LAMA2: variants seen among roughly 807,000 people sequenced by gnomAD.
The protein encoded by LAMA2 is laminin subunit alpha 2, also known as laminin subunit alpha-2.
Under a neutral mutation model 364.8 loss-of-function variants are expected in LAMA2, and 269 were observed. The observed-to-expected ratio is 0.74, with a 90% CI of 0.67 to 0.82. The LOEUF is 0.82. LAMA2 is among the 40% of genes least tolerant of loss of function. The pLI is 0.00. For synonymous variants in LAMA2, 1,379 were observed against 1,370.6 expected (o/e 1.01, Z -0.14); for missense variants, 3,807 against 3,873.2 (o/e 0.98, Z 0.45).
At chr6:129,474,787 T>C (rs4897328) in intron 52 of LAMA2, among the ~76,000 whole-genome samples, 63,212 of 152,010 alleles carry the variant, frequency 0.42, 13,310 homozygotes, top group African/African-American at 0.46. Flanking sequence ...TCTGAATCTG[T>C]TAAATGAATC....
At chr6:129,185,376 G>T (rs925111679) in intron 10 of LAMA2, among the ~76,000 whole-genome samples, 4 of 151,574 alleles carry the variant, frequency 2.6e-5, no homozygotes, top group African/African-American at 9.7e-5. Context: ...AAAAACAAAA[G>T]AACTTAGTAA....
At chr6:128,926,802 G>T (rs926443310) in intron 1 of LAMA2, among the ~76,000 whole-genome samples, 2 of 152,198 alleles carry the variant, frequency 1.3e-5, no homozygotes, top group Non-Finnish European at 2.9e-5. Flanking sequence ...TTAAAGCTCA[G>T]AGTTGAAAAG....
At chr6:128,980,811 A>G (rs1008419012) in intron 1 of LAMA2, among the ~76,000 whole-genome samples, 4 of 152,108 alleles carry the variant, frequency 2.6e-5, no homozygotes, top group African/African-American at 9.7e-5. Flanking sequence ...TACTATCAAC[A>G]ATAAAAAAAG....
chr6:128,926,534 T>G (rs1318019719), intron 1 of LAMA2, among the ~76,000 whole-genome samples: 5 of 152,236 alleles, frequency 3.3e-5, no homozygotes, highest in African/African-American at 2.4e-5. Context: ...CTCAAACTGC[T>G]GACAGCTCAA....
At chr6:129,265,635 A>T (rs963266667) in intron 15 of LAMA2, among the ~76,000 whole-genome samples, 3 of 151,646 alleles carry the variant, frequency 2.0e-5, no homozygotes, top group East Asian at 3.9e-4. Context: ...GAAATTTGAC[A>T]ATTTTGGGTT....
intron 40 of LAMA2, among the ~76,000 whole-genome samples, chr6:129,425,082 A>T (rs933985298): frequency 6.6e-6 from 1 of 152,072 alleles, no homozygotes; most frequent in African/African-American, 2.4e-5. Context: ...ACCTACAGTG[A>T]TGGAAAGCAG....
At chr6:129,167,112 A>T (rs1057139298) in intron 9 of LAMA2, among the ~76,000 whole-genome samples, 1 of 152,150 alleles carries the variant, frequency 6.6e-6, no homozygotes, top group African/African-American at 2.4e-5. Flanking sequence ...TATTTATCCC[A>T]GTCTTACTTC....
chr6:129,188,457 G>T (rs934602222), intron 10 of LAMA2, among the ~76,000 whole-genome samples: 1 of 151,874 alleles, frequency 6.6e-6, no homozygotes, highest in African/African-American at 2.4e-5. Context: ...TAGACCAAGC[G>T]CATAAGAACA....
intron 1 of LAMA2, among the ~76,000 whole-genome samples, 192 bp downstream of exon 1, chr6:128,883,549 C>G (rs1775945862): frequency 6.6e-6 from 1 of 151,392 alleles, no homozygotes; most frequent in Non-Finnish European, 1.5e-5. Flanking sequence ...GGGGAATTAC[C>G]TAAGTCCTGC....
At chr6:129,259,720 C>T (rs1786988279) in intron 14 of LAMA2, among the ~76,000 whole-genome samples, 1 of 151,936 alleles carries the variant, frequency 6.6e-6, no homozygotes, top group Non-Finnish European at 1.5e-5. Context: ...ATATTCATTT[C>T]CTTTTAAATC....
chr6:129,154,402 A>T (rs1778983987), intron 7 of LAMA2, 103 bp from the exon 8 acceptor site: 5 of 1,025,610 alleles, frequency 4.9e-6, no homozygotes, highest in African/African-American at 1.6e-5. Flanking sequence ...CGACAGAGTG[A>T]GACTCTGTCT....
At chr6:129,425,761 A>T (rs1010453104) in intron 40 of LAMA2, among the ~76,000 whole-genome samples, 1 of 152,068 alleles carries the variant, frequency 6.6e-6, no homozygotes, top group African/African-American at 2.4e-5. Flanking sequence ...AAAGGACATG[A>T]TTGCATTCGT....
intron 35 of LAMA2, among the ~76,000 whole-genome samples, chr6:129,386,153 C>G (rs1332334158): frequency 6.6e-6 from 1 of 151,754 alleles, no homozygotes; most frequent in Non-Finnish European, 1.5e-5. Flanking sequence ...TACCTAAATC[C>G]TCCTTTGAAT....
intron 2 of LAMA2, among the ~76,000 whole-genome samples, chr6:129,053,070 T>G (rs1475225862): frequency 6.6e-6 from 1 of 152,092 alleles, no homozygotes; most frequent in Non-Finnish European, 1.5e-5. Context: ...CTTTCTTTTT[T>G]GTTTTGTTTT....
intron 1 of LAMA2, among the ~76,000 whole-genome samples, chr6:128,992,244 A>G (rs1783654305): frequency 1.3e-5 from 2 of 152,188 alleles, no homozygotes; most frequent in South Asian, 4.1e-4. Flanking sequence ...TCAACTTCAC[A>G]ATGTGGTTTC....
intron 4 of LAMA2, among the ~76,000 whole-genome samples, chr6:129,141,454 C>A (rs1778120918): frequency 6.6e-6 from 1 of 151,982 alleles, no homozygotes. Context: ...GCATTCTATT[C>A]CTTACTAAGC....
At chr6:128,986,168 C>T (rs1216761031) in intron 1 of LAMA2, among the ~76,000 whole-genome samples, 1 of 152,078 alleles carries the variant, frequency 6.6e-6, no homozygotes, top group Non-Finnish European at 1.5e-5. Flanking sequence ...CAAATTGTCT[C>T]ATCTTTGGTT....
At chr6:129,155,003 A>C (rs866235697) in intron 8 of LAMA2, among the ~76,000 whole-genome samples, 17 of 152,198 alleles carry the variant, frequency 1.1e-4, no homozygotes, top group African/African-American at 4.1e-4. Flanking sequence ...CATACAGTAC[A>C]TACTAGTGAG....
rs2114653633 is a variant in LAMA2 at position 129,382,990 on chromosome 6, A to G, written c.4960-132A>G. 1 of 728,420 alleles carries G rather than the reference A, an allele frequency of 1.4e-6. No homozygotes were observed. Among genetic ancestry groups the G allele is most frequent in the Non-Finnish European group, 2.5e-6 (1 of 404,476 alleles). 45.1% of individuals were successfully genotyped at this position (728,420 alleles called of 1,614,324 possible). ...GAGCATGGGGCATCATTTGCAATACATCTGATCAATAATTCATCGATTGCC... is the reference window on the plus strand; with the variant it reads ...GAGCATGGGGCATCATTTGCAATACGTCTGATCAATAATTCATCGATTGCC... On this transcript the variant is annotated intron_variant, in intron 34 of 64. Coordinates refer to ENST00000421865, the MANE Select transcript of LAMA2 (RefSeq NM_000426.4).
Sources: allele counts gnomAD v4.1 joint callset (sites outside exome capture counted in the v4.1 genomes callset), GRCh38; gene constraint gnomAD v4.1.1; transcripts MANE v1.5; gene names NCBI Gene and HGNC (gene_info 2026-07-23, HGNC 2026-07-21).